DIS3L2: variants seen among roughly 807,000 people sequenced by gnomAD.
DIS3L2 encodes DIS3-like exonuclease 2.
A neutral mutation model predicts 97.5 loss-of-function variants in DIS3L2; 34 were observed. The ratio of observed to expected loss-of-function variants is 0.35; its 90% CI spans 0.27 to 0.46. DIS3L2 has a LOEUF of 0.46. Ranked by LOEUF, DIS3L2 falls within the 20% of genes least tolerant of loss-of-function variation. DIS3L2 has a pLI of 1.00. For missense variants in DIS3L2, 1,038 were observed against 1,146.0 expected, an observed-to-expected ratio of 0.91 and a Z score of 1.36; for synonymous variants, 435 against 445.2, an observed-to-expected ratio of 0.98 and a Z score of 0.29.
At chr2:232,279,216 C>T (rs980732384) in intron 13 of DIS3L2, among the ~76,000 whole-genome samples, 15 of 148,576 alleles carry the variant, frequency 1.0e-4, no homozygotes, top group Admixed American at 1.3e-4. Flanking sequence ...GGATTACAGG[C>T]GTGAGCCACC....
intron 14 of DIS3L2, among the ~76,000 whole-genome samples, chr2:232,320,943 G>A (rs1357864346): frequency 6.6e-6 from 1 of 152,180 alleles, no homozygotes; most frequent in Non-Finnish European, 1.5e-5. Flanking sequence ...CAGCCCACAG[G>A]ACCATGGAGC....
intron 10 of DIS3L2, among the ~76,000 whole-genome samples, chr2:232,211,099 C>G (rs1195662867): frequency 6.6e-6 from 1 of 151,714 alleles, no homozygotes; most frequent in South Asian, 2.1e-4. Context: ...AAAAGTGAAC[C>G]CTTCCAATCC....
intron 6 of DIS3L2, among the ~76,000 whole-genome samples, chr2:232,109,559 C>G (rs968190507): frequency 2.0e-5 from 3 of 152,014 alleles, no homozygotes; most frequent in Admixed American, 6.6e-5. Flanking sequence ...AGTAGAGAAC[C>G]CAGAAATAAG....
At chr2:232,304,584 G>A (rs187104639) in intron 14 of DIS3L2, among the ~76,000 whole-genome samples, 2 of 152,190 alleles carry the variant, frequency 1.3e-5, no homozygotes, top group African/African-American at 4.8e-5. Context: ...TTTGTCAGAA[G>A]GCTCCTTTCT....
At chr2:231,989,028 T>G (rs1693503915) in intron 1 of DIS3L2, among the ~76,000 whole-genome samples, 1 of 152,252 alleles carries the variant, frequency 6.6e-6, no homozygotes, top group South Asian at 2.1e-4. Context: ...GGATGAGCTT[T>G]GCAACCCTTT....
chr2:232,010,901 A>G (rs768224774), intron 1 of DIS3L2, among the ~76,000 whole-genome samples: 5 of 152,186 alleles, frequency 3.3e-5, no homozygotes, highest in Non-Finnish European at 7.3e-5. Context: ...TCTGTCCCAA[A>G]TAGGCTTCAT....
chr2:231,989,310 G>C (rs1315937118), intron 1 of DIS3L2, among the ~76,000 whole-genome samples: 2 of 151,010 alleles, frequency 1.3e-5, no homozygotes, highest in African/African-American at 2.4e-5. Context: ...CTGTAAATGG[G>C]AGTTTTAAAA....
chr2:232,312,950 T>C (rs1695174888), intron 14 of DIS3L2, among the ~76,000 whole-genome samples: 1 of 152,232 alleles, frequency 6.6e-6, no homozygotes, highest in South Asian at 2.1e-4. Flanking sequence ...ATTTATTTAT[T>C]AGGTTCAAAT....
Position 232,325,992 on chromosome 2 carries a change from T to G in DIS3L2, c.1740-3821T>G, listed in dbSNP as rs1032400770. On this transcript the variant is annotated intron_variant, in intron 14 of 20. Transcript: ENST00000325385. This position sits in a 1 kb window ranked among gnomAD's most constrained non-coding sequence, Gnocchi z 4.6. ...GCCCAGAGTGTGGAGCGGCTCAACCTGACCACCCAGGATAGCTTGGGGGCG... is the reference window on the plus strand; with the variant it reads ...GCCCAGAGTGTGGAGCGGCTCAACCGGACCACCCAGGATAGCTTGGGGGCG... 6.6e-6 allele frequency among the ~76,000 whole-genome samples: 1 copy of G among 151,058 alleles called. No homozygotes were observed. Among genetic ancestry groups the G allele is most frequent in the African/African-American group, 2.5e-5 (1 of 40,540 alleles).
At chr2:232,238,248 T>C (rs1006734504) in intron 10 of DIS3L2, among the ~76,000 whole-genome samples, 1 of 152,228 alleles carries the variant, frequency 6.6e-6, no homozygotes, top group Non-Finnish European at 1.5e-5. Context: ...TTATGTTTAC[T>C]CAAAGATAAG....
At chr2:232,189,115 G>A (rs1020046652) in intron 9 of DIS3L2, among the ~76,000 whole-genome samples, 2 of 152,276 alleles carry the variant, frequency 1.3e-5, no homozygotes, top group East Asian at 1.9e-4. Flanking sequence ...CAGAGAAAGT[G>A]GATCACTCAA....
Position 232,333,831 on chromosome 2 carries a change from G to A in DIS3L2, c.2011-9G>A, listed in dbSNP as rs773963007. 36 of 1,606,406 alleles carry A rather than the reference G, an allele frequency of 2.2e-5. No homozygotes were observed. The highest frequency in any genetic ancestry group is 2.1e-4 in the South Asian group (19 of 90,132). On this transcript the variant is annotated splice_polypyrimidine_tract_variant and intron_variant, in intron 16 of 20. Transcript: ENST00000325385. Reference sequence around the variant, plus strand: ...GGCTTGTCAGGCTCTGACCCATCCCGTCCCGCAGATGGCACTGTACTTCTG... The same window carrying A: ...GGCTTGTCAGGCTCTGACCCATCCCATCCCGCAGATGGCACTGTACTTCTG...
chr2:232,291,641 A>G (rs1264142245), intron 13 of DIS3L2, among the ~76,000 whole-genome samples: 2 of 152,220 alleles, frequency 1.3e-5, no homozygotes, highest in Non-Finnish European at 2.9e-5. Flanking sequence ...ATCCTGGCCA[A>G]ATAACTCACA....
chr2:232,320,135 C>T (rs1195963321), intron 14 of DIS3L2, among the ~76,000 whole-genome samples: 2 of 150,476 alleles, frequency 1.3e-5, no homozygotes, highest in East Asian at 2.0e-4. Flanking sequence ...CTCAGTGCCA[C>T]GTGGGGTGGG....
At chr2:231,989,326 T>C (rs1415286580) in intron 1 of DIS3L2, among the ~76,000 whole-genome samples, 1 of 146,982 alleles carries the variant, frequency 6.8e-6, no homozygotes, top group African/African-American at 2.5e-5. Flanking sequence ...TAAAAATGTA[T>C]GTGTCAGTAT....
rs1575027317 is a variant in DIS3L2 at position 232,333,935 on chromosome 2, C to A, written c.2106C>A (p.Pro702=). The stretch of plus-strand genomic sequence containing the variant: ...CCCTGTACACACACTTCACCTCGCC[C>A]ATCCGCCGCTTTGCCGACGTCCTGG... The part of the protein sequence containing the change: ...NVPLYTHFTS[P]IRRFADVLVH... Residue 702 remains proline (P), a synonymous_variant, in exon 17 of 21, where the codon CCC becomes CCA. Transcript: ENST00000325385. 8.7e-6 allele frequency: 14 copies of A among 1,612,932 alleles called. No individual in the cohort carries two copies. The highest frequency in any genetic ancestry group is 1.2e-5 in the Non-Finnish European group (14 of 1,179,934).
intron 10 of DIS3L2, among the ~76,000 whole-genome samples, chr2:232,213,867 C>T (rs1435414503): frequency 6.6e-6 from 1 of 152,014 alleles, no homozygotes; most frequent in Non-Finnish European, 1.5e-5. Flanking sequence ...TTCAGCAAAT[C>T]ACAGTGACCA....
intron 10 of DIS3L2, among the ~76,000 whole-genome samples, chr2:232,213,670 T>TTTTG (rs1472454123): frequency 6.6e-6 from 1 of 150,804 alleles, no homozygotes; most frequent in South Asian, 2.1e-4. Flanking sequence ...AGTTTTTTTT[T>TTTTG]TTTTTTTTTT....
chr2:231,994,555 C>G (rs1239213363), intron 1 of DIS3L2, among the ~76,000 whole-genome samples: 1 of 152,050 alleles, frequency 6.6e-6, no homozygotes, highest in African/African-American at 2.4e-5. Context: ...ACGATTTAGG[C>G]CCCTTTACCC....
Sources: allele counts gnomAD v4.1 joint callset (sites outside exome capture counted in the v4.1 genomes callset), GRCh38; gene constraint gnomAD v4.1.1; non-coding constraint Gnocchi (gnomAD v3.1); transcripts MANE v1.5; gene names NCBI Gene and HGNC (gene_info 2026-07-23, HGNC 2026-07-21).